Variants in ZNF16 observed in about 807,000 individuals in gnomAD.
ZNF16 encodes zinc finger protein KOX9.
In ZNF16, 7 loss-of-function variants were observed where a neutral mutation model predicts 9.0. The observed-to-expected ratio is 0.78, with a 90% CI of 0.44 to 1.47. The LOEUF (loss-of-function observed/expected upper bound fraction) is 1.47, where lower values mean the gene tolerates loss of function less well. Ranked by LOEUF, ZNF16 falls within the 40% of genes most tolerant of loss-of-function variation. The pLI is 0.01. For synonymous variants in ZNF16, 312 were observed against 301.5 expected (o/e 1.03, Z -0.36); for missense variants, 830 against 854.2 (o/e 0.97, Z 0.35).
chr8:144,950,732 C>T (rs966284446), intron 1 of ZNF16, 65 bp downstream of exon 1: 2 of 152,194 alleles, frequency 1.3e-5, no homozygotes, highest in African/African-American at 2.4e-5. Flanking sequence ...CTGGGCCCCC[C>T]AACCACGGGG....
intron 2 of ZNF16, chr8:144,945,767 C>T (rs764165263): frequency 3.7e-5 from 23 of 629,574 alleles, no homozygotes; most frequent in African/African-American, 1.8e-4. Context: ...AATCAAAGGA[C>T]GCTGGTGGCC....
rs1833518852 is a variant in ZNF16, at chr8:144,931,051, C to T, written c.1736G>A (p.Gly579Asp). ...GLKPHECNQC[G>D]KAFNRSSNLI... Reference sequence around the variant, plus strand: ...ATTTGAGCTTCGGTTGAAGGCTTTACCACACTGGTTACATTCATGGGGCTT... The same window carrying T: ...ATTTGAGCTTCGGTTGAAGGCTTTATCACACTGGTTACATTCATGGGGCTT... Residue 579 changes from glycine (G) to aspartate (D), a missense_variant, in exon 3 of 3, where the codon GGT becomes GAT. Coordinates refer to ENST00000394909, the MANE Select transcript of ZNF16 (RefSeq NM_006958.3). The T allele has an allele frequency of 6.2e-7, 1 of 1,614,246 alleles. No homozygotes were observed. Among genetic ancestry groups the T allele is most frequent in the Non-Finnish European group, 8.5e-7 (1 of 1,180,050 alleles).
Position 144,930,764 on chromosome 8 carries a change from G to A in ZNF16, c.2023C>T (p.His675Tyr), listed in dbSNP as rs1833503772. 3 of 1,532,794 alleles carry A rather than the reference G, an allele frequency of 2.0e-6. No homozygotes were observed. Among genetic ancestry groups the A allele is most frequent in the Non-Finnish European group, 1.8e-6 (2 of 1,142,742 alleles). The allele number at this position is 1,532,794 out of a possible 1,614,324, so 94.9% of individuals were successfully genotyped here. A position where few individuals can be genotyped will look rare whatever the true frequency, so the allele number is the denominator to read the frequency against. The change falls in exon 3 of 3, where the codon CAC becomes TAC. Residue 675 changes from histidine (H) to tyrosine (Y), a missense_variant. Physicochemically the swap from His to Tyr is moderately conservative, Grantham distance 83. Transcript: ENST00000394909. Reference protein sequence around the residue: ...AFSQRSKLIKHQLIHTRE With the variant: ...AFSQRSKLIKYQLIHTRE ...TATTCCCTGGTGTGAATCAACTGGT[G>A]TTTGATCAACTTTGATCGCTGGCTG...
At chr8:144,944,305 C>T (rs1300302135) in intron 2 of ZNF16, 1 of 151,932 alleles carries the variant, frequency 6.6e-6, no homozygotes, top group South Asian at 2.1e-4. Context: ...CTCCTGACCT[C>T]GTGATCCACC....
Position 144,933,361 on chromosome 8 carries a change from G to A in ZNF16, c.197-771C>T, listed in dbSNP as rs7842991. Among the ~76,000 whole-genome samples the A allele has an allele frequency of 0.014, 2,204 of 152,236 alleles. 50 individuals carry two copies. Among genetic ancestry groups the A allele is most frequent in the African/African-American group, 0.046 (1,921 of 41,532 alleles). ...CTCTGAAAACCCACAATTCTGACTG[G>A]TGTTTGCGGATGACTTCTGGCCTCG... On this transcript the variant is annotated intron_variant, in intron 2 of 2. Coordinates refer to ENST00000394909, the MANE Select transcript of ZNF16 (RefSeq NM_006958.3). This position sits in a 1 kb window ranked among gnomAD's most constrained non-coding sequence, Gnocchi z 5.6.
intron 2 of ZNF16, among the ~76,000 whole-genome samples, chr8:144,939,373 G>A (rs991442842): frequency 5.3e-5 from 8 of 152,074 alleles, no homozygotes; most frequent in African/African-American, 1.9e-4. Flanking sequence ...GGGAGGCCGA[G>A]GCGGGTGGAT....
In ZNF16 at chr8:144,937,870, G is replaced by A. The variant is rs527436003; in HGVS notation, c.197-5280C>T. Reference sequence around the variant, plus strand: ...TTTTGTAGAGACAGAGTCTTGCTATGTTGCCCATGCTGGTCTCAAACTCCT... The same window carrying A: ...TTTTGTAGAGACAGAGTCTTGCTATATTGCCCATGCTGGTCTCAAACTCCT... On this transcript the variant is annotated intron_variant, in intron 2 of 2. Transcript: ENST00000394909. Among the ~76,000 whole-genome samples, 7 of 151,818 alleles carry A rather than the reference G, an allele frequency of 4.6e-5. No individual in the cohort carries two copies. The South Asian group carries it at 1.5e-3, about 32-fold the overall frequency.
At chr8:144,949,692 G>A (rs557841969) in intron 1 of ZNF16, among the ~76,000 whole-genome samples, 132 of 152,310 alleles carry the variant, frequency 8.7e-4, no homozygotes, top group Admixed American at 3.3e-3. Flanking sequence ...ACAAGCAGAT[G>A]CTTGGTAAAA....
intron 1 of ZNF16, among the ~76,000 whole-genome samples, chr8:144,946,502 G>A (rs1366593984): frequency 6.6e-6 from 1 of 151,624 alleles, no homozygotes; most frequent in Non-Finnish European, 1.5e-5. Context: ...ATGATAGGAG[G>A]GCAGCCCCCA....
At chr8:144,937,676 G>C (rs936910841) in intron 2 of ZNF16, among the ~76,000 whole-genome samples, 1 of 152,034 alleles carries the variant, frequency 6.6e-6, no homozygotes, top group Non-Finnish European at 1.5e-5. Context: ...TAAGGTAGGG[G>C]TTCACCTTCA....
At chr8:144,950,229 C>T (rs1834073927) in intron 1 of ZNF16, among the ~76,000 whole-genome samples, 1 of 152,174 alleles carries the variant, frequency 6.6e-6, no homozygotes, top group South Asian at 2.1e-4. Flanking sequence ...TATCACCCTG[C>T]TCTCCTACTG....
rs1310422678 is a variant in ZNF16, at chr8:144,931,429, C to A, written c.1358G>T (p.Arg453Ile). ...GTGAGGCTTTTCTCCAGTGTGAATT[C>A]TCCGATGCTGAATAAGGCTGGAGCT... ...SQSSSLIQHR[R>I]IHTGEKPHVC... is the part of the protein sequence containing the mutation. Residue 453 changes from arginine to isoleucine, a missense_variant, in exon 3 of 3, where the codon AGA (arginine) becomes ATA (isoleucine). Physicochemically the swap from Arg to Ile is moderately conservative, Grantham distance 97. Transcript: ENST00000394909. 1 of 1,614,178 alleles carries A rather than the reference C, an allele frequency of 6.2e-7. No homozygotes were observed.
intron 1 of ZNF16, chr8:144,948,668 G>A (rs1328315865): frequency 6.6e-6 from 1 of 152,176 alleles, no homozygotes; most frequent in African/African-American, 2.4e-5. Flanking sequence ...TACCGTTCCA[G>A]ATTAATCTAG....
intron 2 of ZNF16, among the ~76,000 whole-genome samples, chr8:144,935,123 T>C (rs1454638764): frequency 6.6e-6 from 1 of 152,162 alleles, no homozygotes; most frequent in Non-Finnish European, 1.5e-5. Flanking sequence ...AATTCTTCTC[T>C]GTAATATAAG....
intron 1 of ZNF16, among the ~76,000 whole-genome samples, chr8:144,946,606 T>TGGGCCTGTGTCCTGCTG (rs1252773068): frequency 1.2e-5 from 1 of 82,324 alleles, no homozygotes; most frequent in African/African-American, 5.0e-5. Context: ...TATCCTGCTG[T>TGGGCCTGTGTCCTGCTG]TGGGCTTGTG....
rs144384496 is a variant in ZNF16 at position 144,938,674 on chromosome 8, A to T, written c.197-6084T>A. Among the ~76,000 whole-genome samples the T allele has an allele frequency of 2.0e-5, 3 of 152,338 alleles. No individual in the cohort carries two copies. In the East Asian group the frequency reaches 5.8e-4, roughly 29 times the overall value. ...TTTTGTGGATTCTCTGGGATTTCATATATACGGATTCACATCTTATGGAAA... is the reference window on the plus strand; with the variant it reads ...TTTTGTGGATTCTCTGGGATTTCATTTATACGGATTCACATCTTATGGAAA... On this transcript the variant is annotated intron_variant, in intron 2 of 2. Transcript: ENST00000394909.
At chr8:144,947,275 C>A (rs1833983387) in intron 1 of ZNF16, among the ~76,000 whole-genome samples, 1 of 81,276 alleles carries the variant, frequency 1.2e-5, no homozygotes, top group Non-Finnish European at 2.7e-5. Context: ...GGGCCTGTAC[C>A]CTGCTGTGGG....
chr8:144,944,937 T>C (rs1377366554), intron 2 of ZNF16: 1 of 152,240 alleles, frequency 6.6e-6, no homozygotes, highest in Non-Finnish European at 1.5e-5. Flanking sequence ...TCTTTGTGGA[T>C]TGACTCTGTG....
At chr8:144,942,549 A>C (rs1170900287) in intron 2 of ZNF16, among the ~76,000 whole-genome samples, 1 of 152,134 alleles carries the variant, frequency 6.6e-6, no homozygotes, top group African/African-American at 2.4e-5. Context: ...TGGCCTCCCA[A>C]AGTGCTGGGA....
Sources: allele counts gnomAD v4.1 joint callset (sites outside exome capture counted in the v4.1 genomes callset), GRCh38; gene constraint gnomAD v4.1.1; non-coding constraint Gnocchi (gnomAD v3.1); transcripts MANE v1.5; gene names NCBI Gene and HGNC (gene_info 2026-07-23, HGNC 2026-07-21).